Variants in VWA5B1 observed in about 807,000 individuals in gnomAD.
VWA5B1 encodes the protein von Willebrand factor A domain-containing protein 5B1.
In VWA5B1, 115 loss-of-function variants were observed where a neutral mutation model predicts 118.2. That is an observed-to-expected ratio of 0.97 (90% confidence interval 0.84 to 1.14). VWA5B1 has a LOEUF of 1.14. VWA5B1 is among the 50% of genes most tolerant of loss of function. The pLI is 0.00. For missense variants in VWA5B1, 1,596 were observed against 1,603.8 expected (o/e 1.00, Z 0.08); for synonymous variants, 682 against 658.4 (o/e 1.04, Z -0.55).
Position 20,354,074 on chromosome 1 carries a change from G to A in VWA5B1, c.3459G>A (p.Ser1153=), listed in dbSNP as rs368209285. 3.3e-5 allele frequency: 51 copies of A among 1,551,388 alleles called. No individual in the cohort carries two copies. The highest frequency in any genetic ancestry group is 8.2e-5 in the African/African-American group (6 of 73,026). The change falls in exon 22 of 22, where the codon TCG becomes TCA. Residue 1153 remains serine, a synonymous_variant. Coordinates refer to ENST00000289815, the MANE Select transcript of VWA5B1 (RefSeq NM_001039500.3). ...GGCTGGCATGGCTGGAGCACAGTTC[G>A]GCCTCCTACTTCACTGAGTGGGAGT... is the stretch of plus-strand genomic sequence containing the variant. ...VVGLAWLEHS[S]ASYFTEWELV...
chr1:20,318,203 C>T (rs758130515), intron 5 of VWA5B1, among the ~76,000 whole-genome samples: 2 of 151,808 alleles, frequency 1.3e-5, no homozygotes, highest in Non-Finnish European at 2.9e-5. Context: ...CTTGTCAGTG[C>T]GTCCTCTCCT....
chr1:20,342,563 C>A lies in VWA5B1; in HGVS notation c.2265C>A (p.Ser755Arg). 1 of 1,531,330 alleles carries A rather than the reference C, an allele frequency of 6.5e-7. No individual in the cohort carries two copies. The highest frequency in any genetic ancestry group is 8.8e-7 in the Non-Finnish European group (1 of 1,139,044). 94.9% of individuals were successfully genotyped at this position (1,531,330 alleles called of 1,614,324 possible). Reference protein sequence around the residue: ...LPWGQETQAWSPVRERTSDSR... With the variant: ...LPWGQETQAWRPVRERTSDSR... ...GGGGCCAGGAGACCCAGGCCTGGAG[C>A]CCTGTGAGAGAGCGGACTTCTGACA... is the stretch of plus-strand genomic sequence containing the variant. The change falls in exon 15 of 22, where the codon AGC becomes AGA. Residue 755 changes from serine to arginine, a missense_variant. Coordinates refer to ENST00000289815, the MANE Select transcript of VWA5B1 (RefSeq NM_001039500.3).
intron 18 of VWA5B1, 34 bp from the exon 19 acceptor site, chr1:20,350,122 G>A: frequency 6.5e-7 from 1 of 1,543,950 alleles, no homozygotes; most frequent in Non-Finnish European, 8.8e-7. Context: ...GAAGGGAGGG[G>A]AGAGGTCCAG....
At chr1:20,292,074 TTC>T (rs913903773) in intron 1 of VWA5B1, among the ~76,000 whole-genome samples, 3 of 152,182 alleles carry the variant, frequency 2.0e-5, no homozygotes, top group Non-Finnish European at 2.9e-5. Context: ...TTCTTTCTTT[TTC>T]TCTCTTTCTT....
At chr1:20,306,519 T>C (rs1346805280) in intron 1 of VWA5B1, among the ~76,000 whole-genome samples, 1 of 152,202 alleles carries the variant, frequency 6.6e-6, no homozygotes, top group Admixed American at 6.5e-5. Context: ...CTTTATTTAC[T>C]GGCTGTCTCT....
rs145615239 is a variant in VWA5B1, at chr1:20,337,492, G to A, written c.1943-154G>A. 3.1e-3 allele frequency among the ~76,000 whole-genome samples: 477 copies of A among 152,152 alleles called. 5 individuals carry two copies. The highest frequency in any genetic ancestry group is 5.5e-3 in the Non-Finnish European group (375 of 67,978). Reference sequence around the variant, plus strand: ...GGGAAGCTAGACTAGGGCCAGATCCGGAGAGGCTTTGGATGCCAGGGGAGG... The same window carrying A: ...GGGAAGCTAGACTAGGGCCAGATCCAGAGAGGCTTTGGATGCCAGGGGAGG... On this transcript the variant is annotated intron_variant, in intron 13 of 21. Coordinates refer to ENST00000289815, the MANE Select transcript of VWA5B1 (RefSeq NM_001039500.3).
At chr1:20,293,888 C>T (rs1006096401) in intron 1 of VWA5B1, among the ~76,000 whole-genome samples, 2 of 152,148 alleles carry the variant, frequency 1.3e-5, no homozygotes, top group African/African-American at 2.4e-5. Flanking sequence ...GATGTGGCTA[C>T]GTGGGTGGAC....
At position 20,299,592 on chromosome 1, in the gene VWA5B1, C is replaced by T. The variant is rs142651979; in HGVS notation, c.-27+8504C>T. Among the ~76,000 whole-genome samples the T allele has an allele frequency of 4.8e-3, 732 of 152,206 alleles. 12 individuals are homozygous for T. Among genetic ancestry groups the T allele is most frequent in the South Asian group, 0.04 (193 of 4,814 alleles). Reference sequence around the variant, plus strand: ...CTAATTTTTGTAGTTTTAGTAAAGGCGGGGTTTCACCATGCTGGCCAGGCT... The same window carrying T: ...CTAATTTTTGTAGTTTTAGTAAAGGTGGGGTTTCACCATGCTGGCCAGGCT... On this transcript the variant is annotated intron_variant, in intron 1 of 21. Transcript: ENST00000289815.
rs572717457 is a variant in VWA5B1 at position 20,317,715 on chromosome 1, G to A, written c.709+40G>A. On this transcript the variant is annotated intron_variant, in intron 5 of 21. Transcript: ENST00000289815. ...TCCAGACGGGATGGGTGAGCTTCAG[G>A]CGAAAAGCCAAAGGCTGCCAGGGAT... is the stretch of plus-strand genomic sequence containing the variant. The A allele has an allele frequency of 1.9e-4, 285 of 1,524,132 alleles. 8 individuals carry two copies. The South Asian group carries it at 3.3e-3, about 17-fold the overall frequency. 94.4% of individuals were successfully genotyped at this position (1,524,132 alleles called of 1,614,324 possible). A position where few individuals can be genotyped will look rare whatever the true frequency, so the allele number is the denominator to read the frequency against.
chr1:20,330,496 C>A (rs2089518256), intron 10 of VWA5B1, 114 bp downstream of exon 10: 1 of 1,269,462 alleles, frequency 7.9e-7, no homozygotes, highest in African/African-American at 1.5e-5. Flanking sequence ...CCCACAATTC[C>A]CAAAGGGCTT....
chr1:20,333,492 T>C (rs1028293232), intron 12 of VWA5B1, among the ~76,000 whole-genome samples: 1 of 152,124 alleles, frequency 6.6e-6, no homozygotes, highest in Non-Finnish European at 1.5e-5. Flanking sequence ...AAAAAAAGAA[T>C]GCAGAGCCCT....
chr1:20,348,696 C>A (rs572222436), intron 18 of VWA5B1, among the ~76,000 whole-genome samples: 1 of 152,224 alleles, frequency 6.6e-6, no homozygotes, highest in African/African-American at 2.4e-5. Flanking sequence ...CACCAACTGC[C>A]AGGAAACCTA....
Position 20,342,544 on chromosome 1 carries a change from A to G in VWA5B1, c.2246A>G (p.Gln749Arg). ...QGCQPFLPWG[Q>R]ETQAWSPVRE... Reference sequence around the variant, plus strand: ...TGCCAGCCCTTCCTGCCCTGGGGCCAGGAGACCCAGGCCTGGAGCCCTGTG... The same window carrying G: ...TGCCAGCCCTTCCTGCCCTGGGGCCGGGAGACCCAGGCCTGGAGCCCTGTG... Residue 749 changes from glutamine to arginine, a missense_variant, in exon 15 of 22, where the codon CAG becomes CGG. Transcript: ENST00000289815. 6.5e-7 allele frequency: 1 copy of G among 1,544,568 alleles called. No individual in the cohort carries two copies. Among genetic ancestry groups the G allele is most frequent in the Non-Finnish European group, 8.7e-7 (1 of 1,144,286 alleles).
At chr1:20,350,952 C>G (rs1336845967) in intron 20 of VWA5B1, 26 bp downstream of exon 20, 1 of 1,548,300 alleles carries the variant, frequency 6.5e-7, no homozygotes. Context: ...AATAAAGGTA[C>G]ACTCTCCTGC....
chr1:20,295,555 G>A (rs1044886103), intron 1 of VWA5B1, among the ~76,000 whole-genome samples: 2 of 152,136 alleles, frequency 1.3e-5, no homozygotes, highest in African/African-American at 2.4e-5. Context: ...AAGGGTCCCC[G>A]GGTGTCTCAG....
chr1:20,317,807 T>C (rs2089068474), intron 5 of VWA5B1, 132 bp downstream of exon 5: 2 of 1,196,442 alleles, frequency 1.7e-6, no homozygotes, highest in Non-Finnish European at 2.2e-6. Context: ...ACAAAGCCTG[T>C]GGACCCCCAT....
rs1432253199 is a variant in VWA5B1, at chr1:20,355,229, GA to G, written c.*967del. On this transcript the variant is annotated 3_prime_UTR_variant, in exon 22 of 22. Coordinates refer to ENST00000289815, the MANE Select transcript of VWA5B1 (RefSeq NM_001039500.3). ...TGGAGCCATGCCACGCTGTGGGAGA[GA>G]GGCTTGGCTGCAGTGCCTTTGGGGA... 6.6e-6 allele frequency among the ~76,000 whole-genome samples: 1 copy of G among 152,240 alleles called. No individual in the cohort carries two copies. The highest frequency in any genetic ancestry group is 1.5e-5 in the Non-Finnish European group (1 of 68,042).
chr1:20,335,454 T>G (rs1031904521), intron 12 of VWA5B1, among the ~76,000 whole-genome samples: 3 of 152,228 alleles, frequency 2.0e-5, no homozygotes, highest in African/African-American at 7.2e-5. Context: ...TGATGTGTTA[T>G]TTATACATAG....
At position 20,306,233 on chromosome 1, in the gene VWA5B1, C is replaced by T. The variant is rs534871460; in HGVS notation, c.-26-4343C>T. Among the ~76,000 whole-genome samples the T allele has an allele frequency of 4.0e-5, 6 of 151,866 alleles. No homozygotes were observed. In the South Asian group the frequency reaches 6.2e-4, roughly 16 times the overall value. Reference sequence around the variant, plus strand: ...CCTGAGAAGGTGCCACCTGAGCAGACGTGAAGGGGTGAGGGAGCGAGCCAT... The same window carrying T: ...CCTGAGAAGGTGCCACCTGAGCAGATGTGAAGGGGTGAGGGAGCGAGCCAT... On this transcript the variant is annotated intron_variant, in intron 1 of 21. Transcript: ENST00000289815.
Sources: gnomAD v4.1 joint callset for allele counts (sites outside exome capture counted in the v4.1 genomes callset) on GRCh38, gnomAD v4.1.1 for gene constraint, MANE v1.5 for transcripts, NCBI Gene and HGNC (gene_info 2026-07-23, HGNC 2026-07-21) for gene names.